NTRK1: variants seen among roughly 807,000 people sequenced by gnomAD.
The protein encoded by NTRK1 is high affinity nerve growth factor receptor.
NTRK1 carries 62 observed loss-of-function variants against 86.8 expected under a neutral mutation model. The observed-to-expected ratio is 0.71, with a 90% CI of 0.58 to 0.88. NTRK1 has a LOEUF of 0.88. Among genes scored for constraint, NTRK1 ranks in the 40% least tolerant of loss-of-function variants. The probability of loss-of-function intolerance (pLI) is 0.00; values close to 1 mark genes in which losing one functional copy is unlikely to be tolerated. For synonymous variants in NTRK1, 469 were observed against 456.6 expected, an observed-to-expected ratio of 1.03 and a Z score of -0.35; for missense variants, 967 against 1,078.4, an observed-to-expected ratio of 0.90 and a Z score of 1.45.
rs565441687 is a variant in NTRK1 at position 156,827,552 on chromosome 1, G to A, written c.-64+11714G>A. ...GCTGAGATTACACGTGTGAACCACT[G>A]CACCTGGCCTATTTTTAAATTTTTT... is the stretch of plus-strand genomic sequence containing the variant. On this transcript the variant is annotated intron_variant, in intron 1 of 16. Coordinates refer to the NTRK1 transcript ENST00000392302. 2.0e-5 allele frequency among the ~76,000 whole-genome samples: 3 copies of A among 152,186 alleles called. No individual in the cohort carries two copies. The East Asian group carries it at 5.8e-4, about 29-fold the overall frequency.
At chr1:156,868,394 C>T (rs1377358358) in intron 5 of NTRK1, 111 bp from the exon 6 acceptor site, 36 of 1,537,134 alleles carry the variant, frequency 2.3e-5, no homozygotes, top group Non-Finnish European at 1.8e-6. Flanking sequence ...GTGACATCGC[C>T]TGGGCTCCAG....
chr1:156,842,374 C>A (rs761488096), intron 2 of NTRK1: 2 of 1,612,838 alleles, frequency 1.2e-6, no homozygotes, highest in Non-Finnish European at 1.7e-6. Flanking sequence ...TTCTTTCACT[C>A]CCCAGGGTCT....
At chr1:156,834,403 G>C (rs1167090502) in intron 1 of NTRK1, among the ~76,000 whole-genome samples, 1 of 152,178 alleles carries the variant, frequency 6.6e-6, no homozygotes, top group Admixed American at 6.5e-5. Flanking sequence ...GAAGTAGAAG[G>C]CTTAAATGCC....
chr1:156,841,203 G>C (rs1240971943), intron 1 of NTRK1: 2 of 1,053,376 alleles, frequency 1.9e-6, no homozygotes, highest in East Asian at 5.2e-5. Context: ...GGGGATCGTG[G>C]GCCATTATGC....
chr1:156,831,347 G>T (rs887004257), intron 1 of NTRK1, among the ~76,000 whole-genome samples: 16 of 152,302 alleles, frequency 1.1e-4, no homozygotes, highest in African/African-American at 3.8e-4. Context: ...GTACTTTGCT[G>T]CCAGAAGTTT....
chr1:156,834,212 A>G (rs1156963364), intron 1 of NTRK1, among the ~76,000 whole-genome samples: 1 of 152,188 alleles, frequency 6.6e-6, no homozygotes, highest in East Asian at 1.9e-4. Context: ...ACAGAGACCA[A>G]GGATGCAGAG....
In NTRK1 at chr1:156,874,886, C is replaced by T. The variant is rs540402136; in HGVS notation, c.1252-20C>T. 2 of 1,578,134 alleles carry T rather than the reference C, an allele frequency of 1.3e-6. No homozygotes were observed. Among genetic ancestry groups the T allele is most frequent in the Non-Finnish European group, 1.7e-6 (2 of 1,147,730 alleles). On this transcript the variant is annotated intron_variant, in intron 10 of 16. Coordinates refer to ENST00000524377, the MANE Select transcript of NTRK1 (RefSeq NM_002529.4). ...GTACAGGAGGAGCCCCTGGATCTAA[C>T]TACCCCTGTCCCCCACCAGGTCTCG...
chr1:156,844,904 C>T lies in NTRK1; in HGVS notation c.50+2711C>T. 2.5e-6 allele frequency: 4 copies of T among 1,603,314 alleles called. No individual in the cohort carries two copies. The South Asian group carries it at 4.5e-5, about 18-fold the overall frequency. ...TGGTTCATCTCACCTTATGTTCAAACCCAAGCTAAACTGGGCTGAGCTGGG... is the reference window on the plus strand; with the variant it reads ...TGGTTCATCTCACCTTATGTTCAAATCCAAGCTAAACTGGGCTGAGCTGGG... On this transcript the variant is annotated intron_variant, in intron 2 of 16. Coordinates refer to the NTRK1 transcript ENST00000392302.
upstream of NTRK1, among the ~76,000 whole-genome samples, chr1:156,856,903 C>T (rs114546158): frequency 8.4e-3 from 1,284 of 152,272 alleles, 24 homozygotes; most frequent in African/African-American, 0.03. Context: ...TCCGTGGCTC[C>T]CCACTGCAGA....
intron 3 of NTRK1, chr1:156,865,044 T>C (rs1256755448): frequency 3.5e-6 from 2 of 576,592 alleles, no homozygotes; most frequent in African/African-American, 3.7e-5. Context: ...ACACTTCTCA[T>C]AGGTGCCTGC....
At chr1:156,834,914 G>A (rs1245109986) in intron 1 of NTRK1, among the ~76,000 whole-genome samples, 1 of 152,090 alleles carries the variant, frequency 6.6e-6, no homozygotes, top group Non-Finnish European at 1.5e-5. Context: ...TCCACACTTC[G>A]ACTGGGAGGA....
At chr1:156,857,097 G>A (rs923055877), upstream of NTRK1, among the ~76,000 whole-genome samples, 2 of 151,676 alleles carry the variant, frequency 1.3e-5, no homozygotes, top group Admixed American at 1.3e-4. Flanking sequence ...CTCCCTGGGG[G>A]TTACTTCACA....
At chr1:156,852,419 T>C (rs1334919487) in intron 2 of NTRK1, among the ~76,000 whole-genome samples, 1 of 152,102 alleles carries the variant, frequency 6.6e-6, no homozygotes, top group Admixed American at 6.5e-5. Context: ...TAGTCGGGGG[T>C]GTCAGAGCTC....
intron 11 of NTRK1, 73 bp downstream of exon 11, chr1:156,875,081 T>G (rs2102912866): frequency 1.8e-6 from 2 of 1,130,528 alleles, no homozygotes; most frequent in South Asian, 2.5e-5. Context: ...TCTTCCTGAC[T>G]CTGTCTCTGG....
Position 156,879,351 on chromosome 1 carries a change from G to T in NTRK1, c.2035G>T (p.Asp679Tyr), listed in dbSNP as rs775191394. The T allele has an allele frequency of 6.2e-7, 1 of 1,604,354 alleles. No homozygotes were observed. Among genetic ancestry groups the T allele is most frequent in the South Asian group, 1.1e-5 (1 of 90,970 alleles). The stretch of plus-strand genomic sequence containing the variant: ...CATGAGCAGGGATATCTACAGCACC[G>T]ACTATTACCGTGTAAGGGTCCTTTG... Reference protein sequence around the residue: ...FGMSRDIYSTDYYRVGGRTML... With the variant: ...FGMSRDIYSTYYYRVGGRTML... The change falls in exon 15 of 17, where the codon GAC (aspartate) becomes TAC (tyrosine). Residue 679 changes from aspartate to tyrosine, a missense_variant. By Grantham distance (160) the Asp-to-Tyr change is radical. Around this residue, in one of 2 missense-constraint regions of NTRK1, gnomAD observed 637 missense variants for 776.5 expected, o/e 0.82. Coordinates refer to ENST00000524377, the MANE Select transcript of NTRK1 (RefSeq NM_002529.4).
At chr1:156,870,199 T>A (rs1647472906) in intron 6 of NTRK1, among the ~76,000 whole-genome samples, 2 of 152,216 alleles carry the variant, frequency 1.3e-5, no homozygotes, top group South Asian at 4.1e-4. Context: ...TTGCTTTCTC[T>A]TTGGGAGACT....
intron 1 of NTRK1, among the ~76,000 whole-genome samples, chr1:156,820,255 T>C (rs1233081511): frequency 1.3e-5 from 2 of 152,204 alleles, no homozygotes; most frequent in Admixed American, 1.3e-4. Flanking sequence ...TATTTATTTG[T>C]TTATTTTTTG....
chr1:156,817,363 G>T (rs998802296), intron 1 of NTRK1, among the ~76,000 whole-genome samples: 4 of 151,870 alleles, frequency 2.6e-5, no homozygotes, highest in African/African-American at 9.7e-5. Context: ...CGAGAGAATC[G>T]CTTGAGCCCA....
intron 1 of NTRK1, among the ~76,000 whole-genome samples, chr1:156,829,266 G>C (rs929543517): frequency 6.6e-6 from 1 of 152,180 alleles, no homozygotes; most frequent in Admixed American, 6.5e-5. Context: ...GGTCTAGGGA[G>C]AGTGTCTCAA....
Sources: gnomAD v4.1 joint callset for allele counts (sites outside exome capture counted in the v4.1 genomes callset) on GRCh38, gnomAD v4.1.1 for gene constraint, gnomAD v4.1.1 regional missense constraint, MANE v1.5 for transcripts, NCBI Gene and HGNC (gene_info 2026-07-23, HGNC 2026-07-21) for gene names.